FAF1: variants seen among roughly 807,000 people sequenced by gnomAD.
The protein encoded by FAF1 is FAS-associated factor 1.
FAF1 carries 25 observed loss-of-function variants against 92.5 expected under a neutral mutation model. The observed-to-expected ratio is 0.27, with a 90% confidence interval of 0.20 to 0.38. The LOEUF is 0.38. Among genes scored for constraint, FAF1 ranks in the 10% least tolerant of loss-of-function variants. FAF1 has a pLI of 1.00. For missense variants in FAF1, 636 were observed against 793.3 expected, an observed-to-expected ratio of 0.80 and a Z score of 2.38; for synonymous variants, 234 against 273.2, an observed-to-expected ratio of 0.86 and a Z score of 1.42.
At chr1:50,920,977 T>C (rs1557589767) in intron 1 of FAF1, among the ~76,000 whole-genome samples, 2 of 152,218 alleles carry the variant, frequency 1.3e-5, no homozygotes, top group Non-Finnish European at 2.9e-5. Context: ...GAAAGAATTA[T>C]AGCTATCTTT....
chr1:50,605,895 T>C (rs1652360188), intron 8 of FAF1, among the ~76,000 whole-genome samples: 1 of 152,244 alleles, frequency 6.6e-6, no homozygotes, highest in Non-Finnish European at 1.5e-5. Context: ...ATTAAGTTAT[T>C]ATATGTCAGG....
chr1:50,476,525 C>T (rs1030574594), intron 17 of FAF1, among the ~76,000 whole-genome samples: 3 of 152,148 alleles, frequency 2.0e-5, no homozygotes, highest in Non-Finnish European at 4.4e-5. Context: ...CATTGTTTCA[C>T]ATGTGACATT....
Position 50,491,741 on chromosome 1 carries a change from G to C in FAF1, c.1555C>G (p.Leu519Val). 1 of 1,612,112 alleles carries C rather than the reference G, an allele frequency of 6.2e-7. No individual in the cohort carries two copies. Among genetic ancestry groups the C allele is most frequent in the Non-Finnish European group, 8.5e-7 (1 of 1,179,224 alleles). Residue 519 changes from leucine (L) to valine (V), a missense_variant, in exon 16 of 19, where the codon CTT becomes GTT. Around this residue, in one of 2 missense-constraint regions of FAF1, gnomAD observed 319 missense variants for 451.0 expected, o/e 0.71. Coordinates refer to ENST00000396153, the MANE Select transcript of FAF1 (RefSeq NM_007051.3). ...CCTACCTTTGCTCTGTCAGCCTCAAGTGAAAGGCGATAGGCCTCATCTTGC... is the reference window on the plus strand; with the variant it reads ...CCTACCTTTGCTCTGTCAGCCTCAACTGAAAGGCGATAGGCCTCATCTTGC... ...REQDEAYRLS[L>V]EADRAKREAH...
At chr1:50,643,551 T>C (rs1399667761) in intron 8 of FAF1, among the ~76,000 whole-genome samples, 1 of 152,226 alleles carries the variant, frequency 6.6e-6, no homozygotes, top group African/African-American at 2.4e-5. Context: ...AGATAGATAC[T>C]ATATTATTTA....
chr1:50,767,319 G>C, intron 4 of FAF1, among the ~76,000 whole-genome samples: 1 of 152,080 alleles, frequency 6.6e-6, no homozygotes, highest in East Asian at 1.9e-4. Flanking sequence ...ATTACATTAA[G>C]AGACCACATC....
chr1:50,615,571 T>C (rs1652876060), intron 8 of FAF1, among the ~76,000 whole-genome samples: 1 of 152,368 alleles, frequency 6.6e-6, no homozygotes, highest in East Asian at 1.9e-4. Flanking sequence ...TCATTTTGTC[T>C]GGTGTGAGAT....
chr1:50,610,343 C>T (rs1281057679), intron 8 of FAF1, among the ~76,000 whole-genome samples: 1 of 152,162 alleles, frequency 6.6e-6, no homozygotes. Flanking sequence ...ATTTTCTACA[C>T]ATTACTTGAG....
chr1:50,765,376 C>T (rs1024079581), intron 4 of FAF1, among the ~76,000 whole-genome samples: 2 of 151,960 alleles, frequency 1.3e-5, no homozygotes, highest in Non-Finnish European at 2.9e-5. Flanking sequence ...AATTTAATAC[C>T]TTTTTTCAAG....
intron 15 of FAF1, among the ~76,000 whole-genome samples, chr1:50,530,096 AT>A (rs1356509710): frequency 6.6e-6 from 1 of 152,022 alleles, no homozygotes; most frequent in Non-Finnish European, 1.5e-5. Flanking sequence ...TAATTTTAGC[AT>A]TTTCAGTGGA....
At chr1:50,510,732 G>C (rs1013151662) in intron 15 of FAF1, among the ~76,000 whole-genome samples, 1 of 152,074 alleles carries the variant, frequency 6.6e-6, no homozygotes, top group African/African-American at 2.4e-5. Flanking sequence ...TGATTACTTT[G>C]ATTTCTGAAA....
At chr1:50,498,166 A>C (rs1297209192) in intron 15 of FAF1, among the ~76,000 whole-genome samples, 1 of 152,182 alleles carries the variant, frequency 6.6e-6, no homozygotes, top group East Asian at 1.9e-4. Context: ...AGGAAAGAAC[A>C]GTCTCCTCAA....
intron 7 of FAF1, among the ~76,000 whole-genome samples, chr1:50,683,031 C>CA (rs1166712274): frequency 3.3e-5 from 5 of 150,180 alleles, no homozygotes; most frequent in Admixed American, 2.6e-4. Flanking sequence ...GACTCCGTCA[C>CA]AAAAAAAGAA....
chr1:50,941,931 T>C (rs1003066184), intron 1 of FAF1, among the ~76,000 whole-genome samples: 1 of 152,232 alleles, frequency 6.6e-6, no homozygotes, highest in Non-Finnish European at 1.5e-5. Context: ...TTTTTTATTA[T>C]GCCAGTAAAC....
intron 15 of FAF1, among the ~76,000 whole-genome samples, chr1:50,502,082 A>G (rs1646997694): frequency 6.6e-6 from 1 of 152,170 alleles, no homozygotes; most frequent in African/African-American, 2.4e-5. Flanking sequence ...TAATGTAACT[A>G]TTTATCATCA....
In FAF1 at chr1:50,466,250, A is replaced by G. The variant is rs145914812; in HGVS notation, c.1869+9214T>C. Among the ~76,000 whole-genome samples, 1,012 of 152,256 alleles carry G rather than the reference A, an allele frequency of 6.6e-3. 14 individuals carry two copies. Among genetic ancestry groups the G allele is most frequent in the African/African-American group, 0.023 (945 of 41,540 alleles). On this transcript the variant is annotated intron_variant, in intron 18 of 18. Coordinates refer to ENST00000396153, the MANE Select transcript of FAF1 (RefSeq NM_007051.3). ...TGCTTATGAGTTGGAGAAAGGAGAG[A>G]AAGAGGAGTCAAGGATAACAGTAAG...
intron 1 of FAF1, among the ~76,000 whole-genome samples, chr1:50,929,610 C>A (rs2124742619): frequency 6.6e-6 from 1 of 152,270 alleles, no homozygotes; most frequent in Non-Finnish European, 1.5e-5. Context: ...TTGGGAATTT[C>A]ATTACATGCT....
intron 2 of FAF1, among the ~76,000 whole-genome samples, chr1:50,822,995 A>G (rs936421897): frequency 6.6e-6 from 1 of 152,120 alleles, no homozygotes; most frequent in African/African-American, 2.4e-5. Flanking sequence ...GCTGGTCTCC[A>G]ACTTCCGACC....
chr1:50,486,754 AT>A (rs1646774335), intron 17 of FAF1, among the ~76,000 whole-genome samples: 1 of 152,138 alleles, frequency 6.6e-6, no homozygotes, highest in African/African-American at 2.4e-5. Flanking sequence ...ACAGCACCTG[AT>A]TTAATAATTT....
Position 50,554,388 on chromosome 1 carries a change from TATAGAGAGAGAG to T in FAF1, c.1268+12677_1268+12688del, listed in dbSNP as rs1188687354. On this transcript the variant is annotated intron_variant, in intron 13 of 18. Coordinates refer to ENST00000396153, the MANE Select transcript of FAF1 (RefSeq NM_007051.3). ...AAATATATATATATATATATATATA[TATAGAGAGAGAG>T]AGAGAGAGAGAGAGAGTCTTAAATT... Among the ~76,000 whole-genome samples, 12 of 100,684 alleles carry T rather than the reference TATAGAGAGAGAG, an allele frequency of 1.2e-4. No individual in the cohort carries two copies. The Admixed American group carries it at 1.3e-3, about 11-fold the overall frequency. The allele number at this position is 100,684 out of a possible 152,430, so 66.1% of individuals were successfully genotyped here.
Sources: gnomAD v4.1 joint callset for allele counts (sites outside exome capture counted in the v4.1 genomes callset) on GRCh38, gnomAD v4.1.1 for gene constraint, gnomAD v4.1.1 regional missense constraint, MANE v1.5 for transcripts, NCBI Gene and HGNC (gene_info 2026-07-23, HGNC 2026-07-21) for gene names.